PRKAR1A: variants seen among roughly 807,000 people sequenced by gnomAD.
The protein encoded by PRKAR1A is protein kinase cAMP-dependent type I regulatory subunit alpha, also known as cAMP-dependent protein kinase type I-alpha regulatory subunit.
A neutral mutation model predicts 52.0 loss-of-function variants in PRKAR1A; 3 were observed. The observed-to-expected ratio is 0.06, with a 90% confidence interval of 0.03 to 0.15. The LOEUF is 0.15. Among genes scored for constraint, PRKAR1A ranks in the 10% least tolerant of loss-of-function variants. The probability of loss-of-function intolerance (pLI) is 1.00; values close to 1 mark genes in which losing one functional copy is unlikely to be tolerated. For synonymous variants in PRKAR1A, 188 were observed against 168.4 expected (o/e 1.12, Z -0.90); for missense variants, 240 against 477.4 (o/e 0.50, Z 4.63).
the PRKAR1A span, among the ~76,000 whole-genome samples, chr17:68,499,319 T>C: frequency 6.6e-6 from 1 of 151,196 alleles, no homozygotes. Context: ...TTCTTCCTCA[T>C]TCTTCTTATA....
intron 11 of PRKAR1A, chr17:68,542,308 C>G (rs761790229): frequency 3.3e-5 from 32 of 968,178 alleles, no homozygotes; most frequent in Non-Finnish European, 4.7e-5. Flanking sequence ...GAAACATTGA[C>G]TTTTCCAGAA....
At chr17:68,447,401 A>T in the PRKAR1A span, among the ~76,000 whole-genome samples, 1 of 152,152 alleles carries the variant, frequency 6.6e-6, no homozygotes, top group African/African-American at 2.4e-5. Flanking sequence ...TTTTTTATAG[A>T]GACAGGGTCT....
chr17:68,449,946 G>T, the PRKAR1A span, among the ~76,000 whole-genome samples: 1 of 152,188 alleles, frequency 6.6e-6, no homozygotes, highest in Non-Finnish European at 1.5e-5. Context: ...GGGAGATGGA[G>T]GCTGCAGTGA....
chr17:68,451,057 T>C, the PRKAR1A span, among the ~76,000 whole-genome samples: 1 of 152,248 alleles, frequency 6.6e-6, no homozygotes, highest in Non-Finnish European at 1.5e-5. Flanking sequence ...TGATCCACCA[T>C]GCCCCCCACC....
chr17:68,467,905 T>C, the PRKAR1A span, among the ~76,000 whole-genome samples: 2 of 152,094 alleles, frequency 1.3e-5, no homozygotes, highest in Non-Finnish European at 2.9e-5. Context: ...GTTTGTTCAT[T>C]TGTTTTGGAG....
At chr17:68,484,737 A>G in the PRKAR1A span, among the ~76,000 whole-genome samples, 4 of 152,336 alleles carry the variant, frequency 2.6e-5, no homozygotes, top group South Asian at 8.3e-4. Context: ...ATCTCATCAA[A>G]TGTAGCAAGA....
chr17:68,517,706 A>G (rs557062400), intron 2 of PRKAR1A, among the ~76,000 whole-genome samples: 2 of 152,204 alleles, frequency 1.3e-5, no homozygotes, highest in African/African-American at 4.8e-5. Context: ...AAACCATATC[A>G]TTCCACCTCT....
the PRKAR1A span, among the ~76,000 whole-genome samples, chr17:68,448,591 C>G: frequency 6.6e-6 from 1 of 152,044 alleles, no homozygotes; most frequent in Non-Finnish European, 1.5e-5. Flanking sequence ...CTTCCTTGTC[C>G]CATTTGCTAA....
At chr17:68,510,030 G>A (rs186224225), upstream of PRKAR1A, among the ~76,000 whole-genome samples, 182 of 152,316 alleles carry the variant, frequency 1.2e-3, no homozygotes, top group South Asian at 7.3e-3. Context: ...CTAATGGTGG[G>A]ACATAGTGTC....
the PRKAR1A span, among the ~76,000 whole-genome samples, chr17:68,471,503 C>T: frequency 1.3e-5 from 2 of 152,280 alleles, no homozygotes; most frequent in Admixed American, 1.3e-4. Flanking sequence ...AACCATCCAG[C>T]CATGTGTAAC....
In PRKAR1A at chr17:68,530,363, A is replaced by C. The variant is rs1348985106; in HGVS notation, c.1060A>C (p.Arg354=). 1 of 1,614,138 alleles carries C rather than the reference A, an allele frequency of 6.2e-7. No individual in the cohort carries two copies. Among genetic ancestry groups the C allele is most frequent in the South Asian group, 1.1e-5 (1 of 91,084 alleles). The change falls in exon 11 of 11, where the codon AGA becomes CGA. Residue 354 remains arginine (R), a synonymous_variant. Coordinates refer to ENST00000589228, the MANE Select transcript of PRKAR1A (RefSeq NM_002734.5). Reference sequence around the variant, plus strand: ...GAAGTGCGTTAAGCTGGACCGACCTAGATTTGAACGTGTTCTTGGCCCATG... The same window carrying C: ...GAAGTGCGTTAAGCTGGACCGACCTCGATTTGAACGTGTTCTTGGCCCATG... ...PLKCVKLDRP[R]FERVLGPCSD... is the part of the protein sequence containing the mutation.
At chr17:68,543,214 C>T (rs1194906533) in intron 11 of PRKAR1A, among the ~76,000 whole-genome samples, 6 of 152,060 alleles carry the variant, frequency 3.9e-5, no homozygotes, top group African/African-American at 7.2e-5. Context: ...GTGCCCATGA[C>T]GCTACAGACC....
At chr17:68,492,847 C>CT in the PRKAR1A span, among the ~76,000 whole-genome samples, 521 of 152,230 alleles carry the variant, frequency 3.4e-3, 3 homozygotes, top group Non-Finnish European at 2.4e-3. Flanking sequence ...GATCTCATTC[C>CT]TTTTTTATGG....
chr17:68,480,331 A>G, the PRKAR1A span, among the ~76,000 whole-genome samples: 25 of 152,010 alleles, frequency 1.6e-4, no homozygotes, highest in Non-Finnish European at 3.2e-4. Flanking sequence ...CTGTGGCCTG[A>G]GTTATGGGAA....
chr17:68,517,511 A>G (rs2085470068), intron 2 of PRKAR1A, among the ~76,000 whole-genome samples: 1 of 152,222 alleles, frequency 6.6e-6, no homozygotes, highest in Admixed American at 6.5e-5. Context: ...GGAGAAGTAC[A>G]GAGCAAAATG....
chr17:68,547,437 C>A (rs1346575723), intron 11 of PRKAR1A, among the ~76,000 whole-genome samples: 2 of 152,188 alleles, frequency 1.3e-5, no homozygotes, highest in Non-Finnish European at 2.9e-5. Flanking sequence ...CAATAGAAGG[C>A]TGTTTCATCT....
At chr17:68,450,913 G>C in the PRKAR1A span, 1 of 1,607,974 alleles carries the variant, frequency 6.2e-7, no homozygotes, top group Non-Finnish European at 8.5e-7. Context: ...AGGAAAAGCA[G>C]CCGGGAGGTT....
chr17:68,455,235 C>T, the PRKAR1A span, among the ~76,000 whole-genome samples: 1 of 151,666 alleles, frequency 6.6e-6, no homozygotes, highest in Non-Finnish European at 1.5e-5. Flanking sequence ...TGGTGGTACA[C>T]GTTTGTAATC....
At chr17:68,487,944 TA>T in the PRKAR1A span, among the ~76,000 whole-genome samples, 7 of 149,834 alleles carry the variant, frequency 4.7e-5, no homozygotes, top group Non-Finnish European at 7.4e-5. Context: ...CAAAAATAAA[TA>T]AAAAAAATGC....
Sources: allele counts gnomAD v4.1 joint callset (sites outside exome capture counted in the v4.1 genomes callset), GRCh38; gene constraint gnomAD v4.1.1; transcripts MANE v1.5; gene names NCBI Gene and HGNC (gene_info 2026-07-23, HGNC 2026-07-21).